The following RAD51B variants were observed in gnomAD, a reference collection of about 807,000 sequenced individuals.
The protein encoded by RAD51B is RAD51 paralog B, also known as DNA repair protein RAD51 homolog 2.
Under a neutral mutation model 42.2 loss-of-function variants are expected in RAD51B, and 38 were observed. That is an observed-to-expected ratio of 0.90 (90% confidence interval 0.70 to 1.18). The LOEUF is 1.18. RAD51B is among the 50% of genes most tolerant of loss of function. RAD51B has a pLI of 0.00. For missense variants in RAD51B, 373 were observed against 400.7 expected, an observed-to-expected ratio of 0.93 and a Z score of 0.59; for synonymous variants, 154 against 145.2, an observed-to-expected ratio of 1.06 and a Z score of -0.43.
intron 7 of RAD51B, among the ~76,000 whole-genome samples, chr14:68,239,782 G>T (rs190867622): frequency 2.4e-4 from 36 of 152,280 alleles, no homozygotes; most frequent in African/African-American, 8.4e-4. Flanking sequence ...TCTCATTTCA[G>T]ATACTTTCCA....
intron 10 of RAD51B, among the ~76,000 whole-genome samples, chr14:68,518,491 A>G (rs1241131117): frequency 6.6e-6 from 1 of 151,874 alleles, no homozygotes; most frequent in African/African-American, 2.4e-5. Context: ...ACCTTCAAAC[A>G]TGGGGCCAGA....
In RAD51B at chr14:68,622,174, G is replaced by A. The variant is rs182757776; in HGVS notation, c.1037-28607G>A. 1.8e-4 allele frequency among the ~76,000 whole-genome samples: 27 copies of A among 152,280 alleles called. No individual in the cohort carries two copies. The East Asian group carries it at 4.6e-3, about 26-fold the overall frequency. On this transcript the variant is annotated intron_variant, in intron 10 of 11. Coordinates refer to the RAD51B transcript ENST00000488612. ...TTAGGCTGGAGGGACCTTGGCAATC[G>A]TCTGGTCCTGGCTGTCTCAGGAGCA...
chr14:67,864,095 TCTTGTGAGAA>T (rs1423799861), intron 4 of RAD51B, among the ~76,000 whole-genome samples: 7 of 152,108 alleles, frequency 4.6e-5, no homozygotes, highest in Admixed American at 4.6e-4. Flanking sequence ...AACCATCAGA[TCTTGTGAGAA>T]CTCACTATCA....
chr14:68,046,651 G>C (rs559997543), intron 7 of RAD51B, among the ~76,000 whole-genome samples: 1 of 152,140 alleles, frequency 6.6e-6, no homozygotes, highest in Non-Finnish European at 1.5e-5. Flanking sequence ...TGGGAGGATC[G>C]CTCGAGCCCA....
intron 6 of RAD51B, chr14:67,886,791 A>T: frequency 3.0e-6 from 1 of 334,998 alleles, no homozygotes; most frequent in Non-Finnish European, 5.4e-6. Flanking sequence ...TGGAGCGTTA[A>T]CATTATCTTA....
chr14:68,287,140 CT>C (rs2081428408), intron 7 of RAD51B, among the ~76,000 whole-genome samples: 1 of 152,140 alleles, frequency 6.6e-6, no homozygotes. Flanking sequence ...GCTTATATGC[CT>C]TGCTGGCTGT....
At chr14:68,087,860 TTATATAA>T (rs1434864848) in intron 7 of RAD51B, among the ~76,000 whole-genome samples, 5 of 116,742 alleles carry the variant, frequency 4.3e-5, no homozygotes, top group African/African-American at 1.9e-4. Flanking sequence ...ATATATATAA[TTATATAA>T]TATATTATTT....
At chr14:68,371,385 G>T (rs770767982) in intron 8 of RAD51B, among the ~76,000 whole-genome samples, 1 of 152,216 alleles carries the variant, frequency 6.6e-6, no homozygotes, top group South Asian at 2.1e-4. Context: ...GGGCGTGGTG[G>T]TGCATGCCTG....
chr14:68,658,603 A>T (rs1351577252), intron 11 of RAD51B, among the ~76,000 whole-genome samples: 1 of 152,170 alleles, frequency 6.6e-6, no homozygotes, highest in Non-Finnish European at 1.5e-5. Flanking sequence ...GACGGAATGA[A>T]CTACACTCCA....
intron 5 of RAD51B, among the ~76,000 whole-genome samples, chr14:67,867,514 T>C (rs569310485): frequency 7.2e-5 from 11 of 152,344 alleles, no homozygotes; most frequent in African/African-American, 2.6e-4. Context: ...TTATTCATAA[T>C]ATCTGCCTCC....
intron 7 of RAD51B, among the ~76,000 whole-genome samples, chr14:68,093,928 T>C (rs1191545144): frequency 1.3e-5 from 2 of 152,216 alleles, no homozygotes; most frequent in African/African-American, 4.8e-5. Context: ...CTGCCAGATT[T>C]CTTCCTGGAA....
chr14:68,030,892 A>T (rs1297602477), intron 7 of RAD51B, among the ~76,000 whole-genome samples: 1 of 152,148 alleles, frequency 6.6e-6, no homozygotes, highest in Non-Finnish European at 1.5e-5. Flanking sequence ...CCTGATTTCA[A>T]TATTGTTGTG....
intron 7 of RAD51B, among the ~76,000 whole-genome samples, chr14:68,182,437 T>A (rs1002883199): frequency 6.6e-6 from 1 of 152,276 alleles, no homozygotes; most frequent in African/African-American, 2.4e-5. Flanking sequence ...TCTGTAACTT[T>A]TAATATTCAA....
At chr14:67,878,359 A>G (rs990262616) in intron 5 of RAD51B, among the ~76,000 whole-genome samples, 4 of 152,154 alleles carry the variant, frequency 2.6e-5, no homozygotes, top group African/African-American at 9.6e-5. Context: ...CAAATTACCT[A>G]GAAATACACT....
chr14:68,465,956 AAATAAAT>A (rs375143290), intron 9 of RAD51B, among the ~76,000 whole-genome samples: 21,013 of 76,536 alleles, frequency 0.27, 1,891 homozygotes, highest in Middle Eastern at 0.37. Flanking sequence ...AAAAAAAAAT[AAATAAAT>A]AAATAAATAA....
chr14:68,406,627 C>T (rs943996869), intron 8 of RAD51B, among the ~76,000 whole-genome samples: 1 of 152,112 alleles, frequency 6.6e-6, no homozygotes, highest in South Asian at 2.1e-4. Context: ...TCATAAACCC[C>T]GTATCCTTAG....
At chr14:67,926,756 G>T (rs2140146601) in intron 7 of RAD51B, among the ~76,000 whole-genome samples, 1 of 151,970 alleles carries the variant, frequency 6.6e-6, no homozygotes, top group African/African-American at 2.4e-5. Context: ...TAGGGGTGGG[G>T]TTTCATCATG....
chr14:68,434,810 A>G (rs2085107401), intron 9 of RAD51B, among the ~76,000 whole-genome samples: 1 of 152,206 alleles, frequency 6.6e-6, no homozygotes, highest in South Asian at 2.1e-4. Flanking sequence ...TTGGAAATGC[A>G]GAAATCACCC....
chr14:68,371,533 G>T (rs1226594437), intron 8 of RAD51B, among the ~76,000 whole-genome samples: 1 of 151,814 alleles, frequency 6.6e-6, no homozygotes, highest in East Asian at 1.9e-4. Flanking sequence ...AAAAAAAGGG[G>T]TTCTGTCCTA....
Sources: gnomAD v4.1 joint callset for allele counts (sites outside exome capture counted in the v4.1 genomes callset) on GRCh38, gnomAD v4.1.1 for gene constraint, MANE v1.5 for transcripts, NCBI Gene and HGNC (gene_info 2026-07-23, HGNC 2026-07-21) for gene names.